The following SPOCK3 variants were observed in gnomAD, a reference collection of about 807,000 sequenced individuals.
The protein encoded by SPOCK3 is SPARC (osteonectin), cwcv and kazal like domains proteoglycan 3.
A neutral mutation model predicts 56.6 loss-of-function variants in SPOCK3; 30 were observed. That is an observed-to-expected ratio of 0.53 (90% CI 0.40 to 0.72). The LOEUF is 0.72. Ranked by LOEUF, SPOCK3 falls within the 30% of genes least tolerant of loss-of-function variation. The probability of loss-of-function intolerance (pLI) is 0.00; values close to 1 mark genes in which losing one functional copy is unlikely to be tolerated. For synonymous variants in SPOCK3, 196 were observed against 183.3 expected (o/e 1.07, Z -0.56); for missense variants, 527 against 530.0 (o/e 0.99, Z 0.06).
rs553372943 is a variant in SPOCK3 at position 166,733,896 on chromosome 4, T to C, written c.*1025A>G. On this transcript the variant is annotated 3_prime_UTR_variant, in exon 11 of 11. Coordinates refer to ENST00000357545, the MANE Select transcript of SPOCK3 (RefSeq NM_001040159.2). ...AGGTGTGCTTATATATTGCGTAATA[T>C]ACTATATTGGTATGCATGCTAAAAT... 3 of 152,412 alleles carry C rather than the reference T, an allele frequency of 2.0e-5. No individual in the cohort carries two copies. Among genetic ancestry groups the C allele is most frequent in the Admixed American group, 6.6e-5 (1 of 15,232 alleles). 9.4% of individuals were successfully genotyped at this position (152,412 alleles called of 1,614,324 possible).
At chr4:166,832,713 T>C (rs1196826062) in intron 6 of SPOCK3, among the ~76,000 whole-genome samples, 1 of 152,216 alleles carries the variant, frequency 6.6e-6, no homozygotes, top group East Asian at 1.9e-4. Context: ...CATGGAATAC[T>C]ATGCAGTCAT....
intron 2 of SPOCK3, among the ~76,000 whole-genome samples, chr4:167,202,018 G>A (rs965627419): frequency 2.6e-5 from 4 of 151,836 alleles, no homozygotes; most frequent in African/African-American, 9.7e-5. Context: ...TTTATTGATT[G>A]TTTGGTCAAC....
rs74932301 is a variant in SPOCK3, at chr4:166,969,721, A to G, written c.350+30628T>C. ...AGCCAATTAAACCTCTTTTCTTCAT[A>G]TATTACCCAGTCTCAAGTAGTCATT... is the stretch of plus-strand genomic sequence containing the variant. On this transcript the variant is annotated intron_variant, in intron 4 of 10. Coordinates refer to ENST00000357545, the MANE Select transcript of SPOCK3 (RefSeq NM_001040159.2). Among the ~76,000 whole-genome samples the G allele has an allele frequency of 6.1e-3, 934 of 152,198 alleles. 9 individuals carry two copies. Among genetic ancestry groups the G allele is most frequent in the African/African-American group, 0.021 (876 of 41,520 alleles).
chr4:166,998,018 T>C (rs1293503998), intron 4 of SPOCK3, among the ~76,000 whole-genome samples: 1 of 152,170 alleles, frequency 6.6e-6, no homozygotes, highest in African/African-American at 2.4e-5. Flanking sequence ...AGATTATTTA[T>C]ATTAGCCATT....
chr4:166,999,691 C>T (rs149769562), intron 4 of SPOCK3, among the ~76,000 whole-genome samples: 5 of 152,212 alleles, frequency 3.3e-5, no homozygotes, highest in East Asian at 1.9e-4. Flanking sequence ...GATTGTGGCG[C>T]GTTCAAATTT....
intron 3 of SPOCK3, among the ~76,000 whole-genome samples, chr4:167,032,855 T>A (rs955486855): frequency 4.6e-5 from 7 of 151,990 alleles, no homozygotes; most frequent in Non-Finnish European, 1.0e-4. Flanking sequence ...AGCTCAATTG[T>A]CATTATCTCT....
chr4:167,214,432 A>G (rs916929086), intron 2 of SPOCK3, among the ~76,000 whole-genome samples: 8 of 152,116 alleles, frequency 5.3e-5, no homozygotes, highest in African/African-American at 1.9e-4. Context: ...GCGAGAAATT[A>G]TGATTTCAAT....
chr4:166,775,925 CAA>C (rs1739481796), intron 7 of SPOCK3, among the ~76,000 whole-genome samples: 1 of 152,026 alleles, frequency 6.6e-6, no homozygotes, highest in African/African-American at 2.4e-5. Flanking sequence ...ACAACAAACC[CAA>C]AGTGACAAGT....
rs192704903 is a variant in SPOCK3, at chr4:166,746,397, C to T, written c.932-4338G>A. Among the ~76,000 whole-genome samples the T allele has an allele frequency of 1.6e-3, 247 of 152,066 alleles. 1 individual carries two copies. Among genetic ancestry groups the T allele is most frequent in the Admixed American group, 7.3e-3 (112 of 15,252 alleles). On this transcript the variant is annotated intron_variant, in intron 8 of 10. Transcript: ENST00000357545. The stretch of plus-strand genomic sequence containing the variant: ...AACCTGCTCCTTACTGGGTACATAA[C>T]GAAATGAAGGCAGAAATAAAGATGT...
In SPOCK3 at chr4:166,882,813, G is replaced by A. The variant is rs149036548; in HGVS notation, c.589+6317C>T. ...ATTGAAAACTCCTCTTTCAGGTTAT[G>A]TTCTGTTTTCAGACACATTAATTTA... On this transcript the variant is annotated intron_variant, in intron 6 of 10. Coordinates refer to ENST00000357545, the MANE Select transcript of SPOCK3 (RefSeq NM_001040159.2). 73 of 152,210 alleles carry A rather than the reference G, an allele frequency of 4.8e-4. 1 individual carries two copies. The East Asian group carries it at 0.014, about 29-fold the overall frequency. The allele number at this position is 152,210 out of a possible 1,614,324, so 9.4% of individuals were successfully genotyped here.
At chr4:167,212,208 T>C (rs943419914) in intron 2 of SPOCK3, among the ~76,000 whole-genome samples, 4 of 151,578 alleles carry the variant, frequency 2.6e-5, no homozygotes, top group South Asian at 4.1e-4. Flanking sequence ...AGTACAGTTT[T>C]GTTTTGTTTA....
chr4:167,040,181 C>T (rs544362593), intron 3 of SPOCK3, among the ~76,000 whole-genome samples: 1 of 152,214 alleles, frequency 6.6e-6, no homozygotes, highest in South Asian at 2.1e-4. Flanking sequence ...AAAGTTCTGG[C>T]TTTAACTGGA....
At chr4:166,836,709 A>G (rs1215085386) in intron 6 of SPOCK3, among the ~76,000 whole-genome samples, 1 of 152,128 alleles carries the variant, frequency 6.6e-6, no homozygotes, top group East Asian at 1.9e-4. Context: ...GACTCTTTCC[A>G]TCAAACCTTT....
intron 4 of SPOCK3, among the ~76,000 whole-genome samples, chr4:166,954,405 A>T (rs191371583): frequency 6.6e-6 from 1 of 151,902 alleles, no homozygotes; most frequent in Non-Finnish European, 1.5e-5. Context: ...GTTTTCCCCT[A>T]TGATTTTTTT....
chr4:167,054,167 A>G (rs574273332), intron 3 of SPOCK3, among the ~76,000 whole-genome samples: 60 of 152,190 alleles, frequency 3.9e-4, no homozygotes, highest in Non-Finnish European at 6.5e-4. Context: ...ATCCTTGTAG[A>G]TAGGGTACCT....
rs193047467 is a variant in SPOCK3, at chr4:166,853,077, C to G, written c.589+36053G>C. Among the ~76,000 whole-genome samples the G allele has an allele frequency of 2.6e-5, 4 of 152,012 alleles. No individual in the cohort carries two copies. In the East Asian group the frequency reaches 7.8e-4, roughly 29 times the overall value. On this transcript the variant is annotated intron_variant, in intron 6 of 10. Coordinates refer to ENST00000357545, the MANE Select transcript of SPOCK3 (RefSeq NM_001040159.2). ...TTTTTTTCTTTTATAAAATAAAGAC[C>G]TAATATCAACTCCAAAATTACAAAT...
At chr4:167,223,963 C>A (rs1249262325) in intron 2 of SPOCK3, among the ~76,000 whole-genome samples, 2 of 152,038 alleles carry the variant, frequency 1.3e-5, no homozygotes, top group African/African-American at 4.8e-5. Context: ...TTTTTACCAT[C>A]ATCATTCTCT....
intron 2 of SPOCK3, among the ~76,000 whole-genome samples, chr4:167,101,318 A>G (rs1012765563): frequency 3.3e-5 from 5 of 151,906 alleles, no homozygotes; most frequent in African/African-American, 1.2e-4. Context: ...TTTCTCCCTA[A>G]TTATAACCTT....
intron 4 of SPOCK3, among the ~76,000 whole-genome samples, chr4:166,977,883 C>G (rs1253212934): frequency 2.0e-5 from 3 of 152,132 alleles, no homozygotes; most frequent in African/African-American, 7.2e-5. Context: ...TTTTCTCCCT[C>G]TTGATAAAAC....
Sources: gnomAD v4.1 joint callset for allele counts (sites outside exome capture counted in the v4.1 genomes callset) on GRCh38, gnomAD v4.1.1 for gene constraint, MANE v1.5 for transcripts, NCBI Gene and HGNC (gene_info 2026-07-23, HGNC 2026-07-21) for gene names.